Variants in SCHIP1 observed in about 807,000 individuals in gnomAD.
SCHIP1 encodes schwannomin-interacting protein 1.
Under a neutral mutation model 29.7 loss-of-function variants are expected in SCHIP1, and 8 were observed. That is an observed-to-expected ratio of 0.27 (90% confidence interval 0.16 to 0.49). SCHIP1 has a LOEUF of 0.49. Ranked by LOEUF, SCHIP1 falls within the 20% of genes least tolerant of loss-of-function variation. SCHIP1 has a pLI of 0.99. For synonymous variants in SCHIP1, 76 were observed against 94.9 expected, an observed-to-expected ratio of 0.80 and a Z score of 1.16; for missense variants, 193 against 294.6, an observed-to-expected ratio of 0.66 and a Z score of 2.52.
the SCHIP1 span, among the ~76,000 whole-genome samples, chr3:159,613,690 C>T: frequency 6.6e-6 from 1 of 152,186 alleles, no homozygotes; most frequent in African/African-American, 2.4e-5. Context: ...CCAACAAGAT[C>T]TACTATGAAA....
chr3:159,680,730 A>AATATACATATATAATATATGTATATATAT, the SCHIP1 span, among the ~76,000 whole-genome samples: 16 of 74,022 alleles, frequency 2.2e-4, no homozygotes, highest in African/African-American at 7.8e-4. Flanking sequence ...GTATATATAT[A>AATATACATATATAATATATGTATATATAT]ATATACATAT....
intron 2 of SCHIP1, among the ~76,000 whole-genome samples, chr3:159,872,329 G>T (rs1039157206): frequency 2.0e-5 from 3 of 152,080 alleles, no homozygotes; most frequent in African/African-American, 7.2e-5. Context: ...GGTTCAGGAG[G>T]ACTGAAGGAG....
chr3:159,853,558 A>C (rs1341497861), intron 1 of SCHIP1: 6 of 543,984 alleles, frequency 1.1e-5, no homozygotes, highest in Non-Finnish European at 1.6e-5. Flanking sequence ...CTCAGTGGCT[A>C]TTGCCATAAT....
the SCHIP1 span, among the ~76,000 whole-genome samples, chr3:159,738,684 T>G: frequency 7.2e-5 from 11 of 152,224 alleles, no homozygotes; most frequent in Non-Finnish European, 1.6e-4. Flanking sequence ...AAATATATTG[T>G]TCTCATGGAA....
At chr3:159,568,994 C>T in the SCHIP1 span, among the ~76,000 whole-genome samples, 20 of 152,038 alleles carry the variant, frequency 1.3e-4, no homozygotes, top group African/African-American at 4.8e-4. Flanking sequence ...TCTGAAAATC[C>T]TTTCTGCCCT....
chr3:159,622,594 A>G, the SCHIP1 span, among the ~76,000 whole-genome samples: 1 of 152,164 alleles, frequency 6.6e-6, no homozygotes, highest in Admixed American at 6.6e-5. Context: ...TGTTCCCCTT[A>G]ATAATACAAA....
At chr3:159,702,404 A>G in the SCHIP1 span, among the ~76,000 whole-genome samples, 3 of 152,360 alleles carry the variant, frequency 2.0e-5, no homozygotes, top group Middle Eastern at 6.8e-3. Context: ...TAAGTCACTC[A>G]TAATATTCCT....
chr3:159,466,453 T>C, the SCHIP1 span, among the ~76,000 whole-genome samples: 2 of 152,110 alleles, frequency 1.3e-5, no homozygotes, highest in Non-Finnish European at 2.9e-5. Flanking sequence ...AGAATTGATT[T>C]CATAGGGTAA....
At chr3:159,309,204 G>A in the SCHIP1 span, 2 of 234,306 alleles carry the variant, frequency 8.5e-6, no homozygotes, top group Admixed American at 1.3e-4. Flanking sequence ...ATATTTAAAT[G>A]GGAAAAAATT....
the SCHIP1 span, among the ~76,000 whole-genome samples, chr3:159,336,634 G>T: frequency 6.6e-6 from 1 of 152,136 alleles, no homozygotes; most frequent in African/African-American, 2.4e-5. Context: ...TATCAGGTTT[G>T]TCAAAGATCA....
chr3:159,634,066 G>A, the SCHIP1 span, among the ~76,000 whole-genome samples: 1 of 152,190 alleles, frequency 6.6e-6, no homozygotes, highest in Non-Finnish European at 1.5e-5. Context: ...GAAGGGATGG[G>A]ATATGGGGAA....
At chr3:159,395,265 C>A in the SCHIP1 span, among the ~76,000 whole-genome samples, 6 of 152,140 alleles carry the variant, frequency 3.9e-5, no homozygotes, top group Admixed American at 2.6e-4. Flanking sequence ...CCTTTCAAAA[C>A]ACCAGCTCCT....
the SCHIP1 span, among the ~76,000 whole-genome samples, chr3:159,382,283 G>A: frequency 0.14 from 19,659 of 136,216 alleles, 1,591 homozygotes; most frequent in African/African-American, 0.21. Context: ...ACAGTCCCCA[G>A]AGTGTGATGT....
chr3:159,406,418 G>T, the SCHIP1 span, among the ~76,000 whole-genome samples: 1 of 152,146 alleles, frequency 6.6e-6, no homozygotes, highest in African/African-American at 2.4e-5. Context: ...GAGAAATAAA[G>T]ACTTCCCCAG....
chr3:159,376,026 T>A, the SCHIP1 span, among the ~76,000 whole-genome samples: 2 of 152,092 alleles, frequency 1.3e-5, no homozygotes, highest in Admixed American at 1.3e-4. Context: ...GTTCCATGAA[T>A]CAACTAACTT....
At chr3:159,809,149 C>T in the SCHIP1 span, among the ~76,000 whole-genome samples, 89 of 151,350 alleles carry the variant, frequency 5.9e-4, no homozygotes, top group Admixed American at 1.1e-3. Flanking sequence ...CCCAACCCCC[C>T]GCAACAGGCC....
chr3:159,309,467 C>G, the SCHIP1 span, among the ~76,000 whole-genome samples: 1 of 152,076 alleles, frequency 6.6e-6, no homozygotes, highest in Non-Finnish European at 1.5e-5. Context: ...CTGGTTCACA[C>G]AATTTCCACA....
At chr3:159,540,597 T>C in the SCHIP1 span, among the ~76,000 whole-genome samples, 1 of 152,086 alleles carries the variant, frequency 6.6e-6, no homozygotes, top group African/African-American at 2.4e-5. Context: ...CCTTTTGGCC[T>C]CACCTATATC....
the SCHIP1 span, among the ~76,000 whole-genome samples, chr3:159,498,668 T>TA: frequency 2.5e-3 from 362 of 143,598 alleles, 1 homozygote; most frequent in African/African-American, 6.7e-3. Context: ...ACACTTTGCC[T>TA]AAAAAAAAAA....
Sources: gnomAD v4.1 joint callset for allele counts (sites outside exome capture counted in the v4.1 genomes callset) on GRCh38, gnomAD v4.1.1 for gene constraint, MANE v1.5 for transcripts, NCBI Gene and HGNC (gene_info 2026-07-23, HGNC 2026-07-21) for gene names.